The following PCDH7 variants were observed in gnomAD, a reference collection of about 807,000 sequenced individuals.
PCDH7 encodes protocadherin 7.
PCDH7 carries 17 observed loss-of-function variants against 58.9 expected under a neutral mutation model. The ratio of observed to expected loss-of-function variants is 0.29; its 90% confidence interval spans 0.20 to 0.43. The LOEUF (loss-of-function observed/expected upper bound fraction) is 0.43. Among genes scored for constraint, PCDH7 ranks in the 20% least tolerant of loss-of-function variants. PCDH7 has a pLI of 1.00. For missense variants in PCDH7, 1,274 were observed against 1,441.0 expected, an observed-to-expected ratio of 0.88 and a Z score of 1.88; for synonymous variants, 664 against 616.4, an observed-to-expected ratio of 1.08 and a Z score of -1.14.
chr4:31,032,656 G>GAGGAAGGAAGGA (rs200871221), intron 3 of PCDH7, among the ~76,000 whole-genome samples: 2 of 92,250 alleles, frequency 2.2e-5, no homozygotes, highest in African/African-American at 1.0e-4. Context: ...GAGAGAGAGA[G>GAGGAAGGAAGGA]AGGAAGGAAG....
At chr4:30,818,928 A>C (rs1728020832) in intron 1 of PCDH7, among the ~76,000 whole-genome samples, 1 of 152,146 alleles carries the variant, frequency 6.6e-6, no homozygotes, top group Non-Finnish European at 1.5e-5. Context: ...CTAAAATTTC[A>C]TCTGATTGAT....
At chr4:31,025,871 A>G (rs1451206677) in intron 3 of PCDH7, among the ~76,000 whole-genome samples, 3 of 152,226 alleles carry the variant, frequency 2.0e-5, no homozygotes, top group Admixed American at 6.5e-5. Flanking sequence ...CCCTTTCTCT[A>G]TTAAAATCTT....
chr4:31,095,767 A>G (rs533860197), intron 3 of PCDH7, among the ~76,000 whole-genome samples: 3 of 152,098 alleles, frequency 2.0e-5, no homozygotes, highest in African/African-American at 2.4e-5. Flanking sequence ...ATTCACTACT[A>G]TGGTGATTAG....
intron 1 of PCDH7, among the ~76,000 whole-genome samples, chr4:30,811,108 C>T (rs1726936138): frequency 6.6e-6 from 1 of 152,180 alleles, no homozygotes; most frequent in South Asian, 2.1e-4. Context: ...AACTGAGGCT[C>T]AGACAACTGG....
At chr4:31,116,578 A>T (rs1164335717) in intron 3 of PCDH7, among the ~76,000 whole-genome samples, 5 of 152,314 alleles carry the variant, frequency 3.3e-5, no homozygotes, top group Middle Eastern at 3.4e-3. Flanking sequence ...TATGCAGATC[A>T]TAGCGACTTT....
intron 3 of PCDH7, among the ~76,000 whole-genome samples, chr4:30,989,272 T>TATCTTTAGGTTCAA (rs202151893): frequency 0.014 from 2,132 of 152,294 alleles, 47 homozygotes; most frequent in African/African-American, 0.049. Context: ...AGATAGGTAC[T>TATCTTTAGGTTCAA]CCTAAAACCT....
rs139133239 is a variant in PCDH7 at position 30,761,247 on chromosome 4, C to G, written c.70+36651C>G. 2.8e-3 allele frequency among the ~76,000 whole-genome samples: 430 copies of G among 152,230 alleles called. 10 individuals carry two copies. The highest frequency in any genetic ancestry group is 0.023 in the Admixed American group (355 of 15,280). ...ATTCACTAACAGAGCTTTTAGGAAG[C>G]GCAGCTCTCCTCTGCTTATCTCAGT... On this transcript the variant is annotated intron_variant, in intron 1 of 3. Coordinates refer to the PCDH7 transcript ENST00000509759.
intron 3 of PCDH7, among the ~76,000 whole-genome samples, chr4:31,027,243 T>A (rs1366808407): frequency 6.6e-6 from 1 of 152,108 alleles, no homozygotes; most frequent in Non-Finnish European, 1.5e-5. Flanking sequence ...TGGAACCTCA[T>A]CACAAATAGG....
chr4:30,723,282 G>C lies in PCDH7; in HGVS notation c.1860G>C (p.Gln620His), dbSNP rs1714013658. Reference sequence around the variant, plus strand: ...AAGACAAAGGCATCCCCGTGCTGCAGGGCAGCACTACGGTGATTGTGCAGG... The same window carrying C: ...AAGACAAAGGCATCCCCGTGCTGCACGGCAGCACTACGGTGATTGTGCAGG... Residue 620 changes from glutamine to histidine, a missense_variant, in exon 1 of 2, where the codon CAG becomes CAC. This residue lies in a region of PCDH7 where 731 missense variants were observed against 881.9 expected (regional missense o/e 0.83). Coordinates refer to ENST00000361762, the Ensembl canonical transcript of PCDH7. The surrounding 1 kb of genome is among the most constrained non-coding windows in gnomAD (Gnocchi z 4.6). The C allele has an allele frequency of 1.2e-6, 2 of 1,614,040 alleles. No individual in the cohort carries two copies. Among genetic ancestry groups the C allele is most frequent in the South Asian group, 2.2e-5 (2 of 91,088 alleles).
intron 3 of PCDH7, among the ~76,000 whole-genome samples, chr4:31,025,541 G>C (rs1448401718): frequency 6.6e-6 from 1 of 152,130 alleles, no homozygotes; most frequent in African/African-American, 2.4e-5. Context: ...AGATTGTTTT[G>C]AAGTAGATGA....
intron 3 of PCDH7, among the ~76,000 whole-genome samples, chr4:31,097,929 A>G (rs1714367947): frequency 6.6e-6 from 1 of 152,026 alleles, no homozygotes; most frequent in Non-Finnish European, 1.5e-5. Context: ...TTTCTAAGGA[A>G]ATATTTACAT....
intron 3 of PCDH7, among the ~76,000 whole-genome samples, chr4:30,980,758 A>C (rs1750483385): frequency 6.6e-6 from 1 of 152,232 alleles, no homozygotes; most frequent in South Asian, 2.1e-4. Flanking sequence ...TTAAAAGTGA[A>C]ATCAATTTTC....
intron 1 of PCDH7, among the ~76,000 whole-genome samples, chr4:30,788,663 C>G (rs751452585): frequency 1.3e-5 from 2 of 151,944 alleles, no homozygotes; most frequent in Non-Finnish European, 2.9e-5. Context: ...TACAGCTTTA[C>G]GAATGGAGAG....
chr4:30,736,759 A>G (rs186444901), downstream of PCDH7, among the ~76,000 whole-genome samples: 823 of 151,918 alleles, frequency 5.4e-3, 8 homozygotes, highest in Middle Eastern at 0.024. Context: ...GATGGTCTCG[A>G]TATCTTGACC....
chr4:31,109,304 T>C (rs1715992705), intron 3 of PCDH7, among the ~76,000 whole-genome samples: 1 of 152,230 alleles, frequency 6.6e-6, no homozygotes, highest in African/African-American at 2.4e-5. Context: ...TCTACCATGA[T>C]GACTATGCTA....
At chr4:31,138,316 A>G (rs541417857) in intron 3 of PCDH7, among the ~76,000 whole-genome samples, 9 of 152,268 alleles carry the variant, frequency 5.9e-5, no homozygotes, top group African/African-American at 2.2e-4. Context: ...TCCAAAATGT[A>G]TAGTTTTAGG....
At chr4:30,752,994 G>T (rs1718774329) in intron 1 of PCDH7, among the ~76,000 whole-genome samples, 1 of 152,076 alleles carries the variant, frequency 6.6e-6, no homozygotes, top group Admixed American at 6.5e-5. Flanking sequence ...TGAACTTGGT[G>T]TCATGGATTT....
At chr4:30,832,048 AC>A (rs1301349527) in intron 1 of PCDH7, among the ~76,000 whole-genome samples, 2 of 152,186 alleles carry the variant, frequency 1.3e-5, no homozygotes, top group African/African-American at 4.8e-5. Context: ...AAGCACAGTA[AC>A]TCATACATGA....
intron 2 of PCDH7, among the ~76,000 whole-genome samples, chr4:30,946,727 T>TGTGTGTGA (rs1048658000): frequency 2.0e-5 from 3 of 150,104 alleles, no homozygotes; most frequent in African/African-American, 7.4e-5. Context: ...TGTGTGTGTG[T>TGTGTGTGA]GACAGAGTCC....
Sources: allele counts gnomAD v4.1 joint callset (sites outside exome capture counted in the v4.1 genomes callset), GRCh38; gene constraint gnomAD v4.1.1; regional missense constraint gnomAD v4.1.1; non-coding constraint Gnocchi (gnomAD v3.1); transcripts MANE v1.5; gene names NCBI Gene and HGNC (gene_info 2026-07-23, HGNC 2026-07-21).